The following PTPRN2 variants were observed in gnomAD, a reference collection of about 807,000 sequenced individuals.
PTPRN2 encodes the protein receptor-type tyrosine-protein phosphatase N2.
Under a neutral mutation model 118.8 loss-of-function variants are expected in PTPRN2, and 74 were observed. The observed-to-expected ratio is 0.62, with a 90% CI of 0.52 to 0.76. The LOEUF (loss-of-function observed/expected upper bound fraction) is 0.76. Ranked by LOEUF, PTPRN2 falls within the 30% of genes least tolerant of loss-of-function variation. PTPRN2 has a pLI of 0.00. For missense variants in PTPRN2, 1,481 were observed against 1,394.4 expected, an observed-to-expected ratio of 1.06 and a Z score of -0.99; for synonymous variants, 641 against 608.0, an observed-to-expected ratio of 1.05 and a Z score of -0.80.
chr7:157,838,350 T>G (rs911583515), intron 12 of PTPRN2, among the ~76,000 whole-genome samples: 3 of 148,140 alleles, frequency 2.0e-5, no homozygotes, highest in Non-Finnish European at 3.0e-5. Flanking sequence ...GTTCCTCTCG[T>G]AGTGGATGGC....
chr7:158,578,537 T>TAAAAAAAAAAAAAA (rs59811856), intron 1 of PTPRN2, among the ~76,000 whole-genome samples: 3 of 125,898 alleles, frequency 2.4e-5, no homozygotes, highest in East Asian at 2.6e-4. Context: ...CCTGTCTCTG[T>TAAAAAAAAAAAAAA]AAAAAAAAAA....
chr7:157,668,997 C>T (rs1796274140), intron 13 of PTPRN2, among the ~76,000 whole-genome samples: 1 of 152,246 alleles, frequency 6.6e-6, no homozygotes, highest in Non-Finnish European at 1.5e-5. Context: ...GCCTCACATG[C>T]TAGGCCAGCA....
chr7:158,368,454 C>G (rs1327150439), intron 2 of PTPRN2, among the ~76,000 whole-genome samples: 1 of 152,200 alleles, frequency 6.6e-6, no homozygotes, highest in Non-Finnish European at 1.5e-5. Flanking sequence ...CAGTGATGAC[C>G]AGGTAGATGA....
At position 157,735,384 on chromosome 7, in the gene PTPRN2, C is replaced by T. The variant is rs568524036; in HGVS notation, c.1789-52447G>A. Among the ~76,000 whole-genome samples the T allele has an allele frequency of 4.6e-5, 7 of 152,294 alleles. No individual in the cohort carries two copies. In the East Asian group the frequency reaches 1.4e-3, roughly 29 times the overall value. ...GACTGTATGGTGTCCATCCTGAGCT[C>T]CAAGTCATCAGAGAGCGGCCAGGAG... On this transcript the variant is annotated intron_variant, in intron 12 of 22. Coordinates refer to ENST00000389418, the MANE Select transcript of PTPRN2 (RefSeq NM_002847.5).
chr7:158,042,341 C>T (rs1445083100), intron 11 of PTPRN2, among the ~76,000 whole-genome samples: 1 of 152,140 alleles, frequency 6.6e-6, no homozygotes. Flanking sequence ...ATTCAGTGTT[C>T]CCATCAATGG....
chr7:157,741,592 A>G lies in PTPRN2; in HGVS notation c.1789-58655T>C, dbSNP rs532250902. Among the ~76,000 whole-genome samples the G allele has an allele frequency of 6.2e-4, 94 of 152,340 alleles. No homozygotes were observed. The South Asian group carries it at 0.01, about 17-fold the overall frequency. On this transcript the variant is annotated intron_variant, in intron 12 of 22. Transcript: ENST00000389418. ...CACCTCTCTCTGGACATTTGCAGGA[A>G]GAAGCAAGACCCGTCCACATGACCC...
intron 2 of PTPRN2, among the ~76,000 whole-genome samples, chr7:158,472,783 T>C (rs1226661042): frequency 6.6e-6 from 1 of 152,214 alleles, no homozygotes; most frequent in Non-Finnish European, 1.5e-5. Flanking sequence ...GGCCGTTGCA[T>C]GCAAGGGCCC....
rs553973220 is a variant in PTPRN2 at position 157,539,760 on chromosome 7, C to T, written c.*954G>A. 5 of 152,380 alleles carry T rather than the reference C, an allele frequency of 3.3e-5. No homozygotes were observed. Among genetic ancestry groups the T allele is most frequent in the African/African-American group, 1.2e-4 (5 of 41,566 alleles). 9.4% of individuals were successfully genotyped at this position (152,380 alleles called of 1,614,324 possible). A position where few individuals can be genotyped will look rare whatever the true frequency, so the allele number is the denominator to read the frequency against. The stretch of plus-strand genomic sequence containing the variant: ...CCGAGTTGCCCTGATCTCCTTCTCT[C>T]CCAGGAGGGAAATGTCCCCTCTCTG... On this transcript the variant is annotated 3_prime_UTR_variant, in exon 23 of 23. Transcript: ENST00000389418.
At chr7:158,449,028 T>C (rs976860866) in intron 2 of PTPRN2, among the ~76,000 whole-genome samples, 6 of 152,168 alleles carry the variant, frequency 3.9e-5, no homozygotes, top group African/African-American at 1.4e-4. Context: ...ACGTGCCCAC[T>C]CAGCTGGATT....
At chr7:158,582,619 A>G (rs1484741638) in intron 1 of PTPRN2, among the ~76,000 whole-genome samples, 1 of 151,906 alleles carries the variant, frequency 6.6e-6, no homozygotes, top group Non-Finnish European at 1.5e-5. Flanking sequence ...TTTACTCATG[A>G]ACCCAAACTA....
At chr7:157,688,817 G>A (rs1484966685) in intron 12 of PTPRN2, among the ~76,000 whole-genome samples, 7 of 152,174 alleles carry the variant, frequency 4.6e-5, no homozygotes, top group African/African-American at 1.7e-4. Context: ...CCCGTCCCCT[G>A]CCTGGGCTTT....
intron 12 of PTPRN2, among the ~76,000 whole-genome samples, chr7:157,821,345 T>G (rs536737854): frequency 3.3e-4 from 50 of 152,284 alleles, no homozygotes; most frequent in African/African-American, 1.2e-3. Context: ...CAGGGTCAAT[T>G]CACTCCATGG....
chr7:158,105,142 C>A (rs1030674815), intron 10 of PTPRN2, among the ~76,000 whole-genome samples: 1 of 151,110 alleles, frequency 6.6e-6, no homozygotes, highest in Non-Finnish European at 1.5e-5. Context: ...CAGCTCCATC[C>A]TCAGCTTTAT....
At chr7:158,306,856 T>G (rs1275381729) in intron 3 of PTPRN2, among the ~76,000 whole-genome samples, 23 of 780 alleles carry the variant, frequency 0.029, no homozygotes, top group Non-Finnish European at 0.074. Flanking sequence ...CTGTTTTTTG[T>G]TTTTTTTTTT....
At chr7:157,746,537 C>T (rs1186038346) in intron 12 of PTPRN2, among the ~76,000 whole-genome samples, 1 of 134,154 alleles carries the variant, frequency 7.5e-6, no homozygotes, top group East Asian at 2.4e-4. Flanking sequence ...AGTGTGATCA[C>T]GGGACTCCCT....
intron 1 of PTPRN2, among the ~76,000 whole-genome samples, chr7:158,521,735 A>G (rs1180042970): frequency 9.0e-6 from 1 of 110,824 alleles, no homozygotes; most frequent in African/African-American, 3.9e-5. Flanking sequence ...TCCACGTCAC[A>G]ATGGTGGACT....
At chr7:158,233,987 C>T (rs552157803) in intron 3 of PTPRN2, among the ~76,000 whole-genome samples, 11 of 152,144 alleles carry the variant, frequency 7.2e-5, no homozygotes, top group Non-Finnish European at 1.6e-4. Flanking sequence ...GGATTAAAGG[C>T]TTAAATATAA....
At chr7:158,120,154 CAG>C (rs1455895885) in intron 9 of PTPRN2, among the ~76,000 whole-genome samples, 4 of 152,106 alleles carry the variant, frequency 2.6e-5, no homozygotes, top group African/African-American at 4.8e-5. Context: ...TCCTCAAATT[CAG>C]AGAGACACAG....
At chr7:157,865,654 T>C (rs1196840829) in intron 12 of PTPRN2, 1 of 152,160 alleles carries the variant, frequency 6.6e-6, no homozygotes, top group Non-Finnish European at 1.5e-5. Context: ...GTCTTCACAG[T>C]GGAGAGATGA....
Sources: gnomAD v4.1 joint callset for allele counts (sites outside exome capture counted in the v4.1 genomes callset) on GRCh38, gnomAD v4.1.1 for gene constraint, MANE v1.5 for transcripts, NCBI Gene and HGNC (gene_info 2026-07-23, HGNC 2026-07-21) for gene names.